The following CEP63 variants were observed in gnomAD, a reference collection of about 807,000 sequenced individuals.
CEP63 encodes the protein centrosomal protein of 63 kDa.
CEP63 carries 84 observed loss-of-function variants against 89.1 expected under a neutral mutation model. The observed-to-expected ratio is 0.94, with a 90% CI of 0.79 to 1.13. The LOEUF is 1.13. CEP63 is among the 50% of genes most tolerant of loss of function. The pLI is 0.00. For missense variants in CEP63, 838 were observed against 813.3 expected (o/e 1.03, Z -0.37); for synonymous variants, 267 against 272.5 (o/e 0.98, Z 0.20).
chr3:134,713,903 T>C, the CEP63 span, among the ~76,000 whole-genome samples: 1 of 152,232 alleles, frequency 6.6e-6, no homozygotes. Flanking sequence ...AGATAACACC[T>C]GTCCAGAGCT....
chr3:134,617,919 G>A, the CEP63 span, among the ~76,000 whole-genome samples: 1 of 152,120 alleles, frequency 6.6e-6, no homozygotes, highest in East Asian at 1.9e-4. Context: ...AGGAACCCAG[G>A]ACCAGGGAAG....
intron 6 of CEP63, among the ~76,000 whole-genome samples, chr3:134,540,626 A>T (rs1251751255): frequency 6.6e-6 from 1 of 151,958 alleles, no homozygotes; most frequent in Non-Finnish European, 1.5e-5. Flanking sequence ...TGCCAATCTT[A>T]TAGGTGAAAA....
At chr3:134,575,633 A>C, downstream of CEP63, among the ~76,000 whole-genome samples, 1 of 142,514 alleles carries the variant, frequency 7.0e-6, no homozygotes, top group Admixed American at 7.3e-5. Context: ...TTCTTTGGAG[A>C]CAGGGTCTCA....
At chr3:134,694,877 T>G in the CEP63 span, among the ~76,000 whole-genome samples, 1 of 152,150 alleles carries the variant, frequency 6.6e-6, no homozygotes, top group Non-Finnish European at 1.5e-5. Context: ...ACCAAGCGTT[T>G]GCTGTGTGGG....
At chr3:134,581,679 A>ATTTTTTTTTTTTTTT (rs1231214008) in intron 10 of CEP63, among the ~76,000 whole-genome samples, 6 of 124,190 alleles carry the variant, frequency 4.8e-5, no homozygotes, top group African/African-American at 1.3e-4. Context: ...TGATGAAAAC[A>ATTTTTTTTTTTTTTT]TTTTTTTTTT....
At chr3:134,777,872 C>T in the CEP63 span, among the ~76,000 whole-genome samples, 10 of 151,764 alleles carry the variant, frequency 6.6e-5, no homozygotes, top group Non-Finnish European at 7.4e-5. Context: ...ACCTCGGTCT[C>T]CCAAAGTGCT....
chr3:134,612,743 C>T, the CEP63 span, among the ~76,000 whole-genome samples: 4 of 126,382 alleles, frequency 3.2e-5, no homozygotes, highest in Non-Finnish European at 6.7e-5. Flanking sequence ...CACAATGTCA[C>T]GCCGATGCTG....
intron 3 of CEP63, among the ~76,000 whole-genome samples, chr3:134,518,236 A>G (rs1032535716): frequency 6.6e-6 from 1 of 152,232 alleles, no homozygotes; most frequent in African/African-American, 2.4e-5. Context: ...CTCAATTAAT[A>G]CAACAAGCAG....
chr3:134,700,096 G>A, the CEP63 span, among the ~76,000 whole-genome samples: 3 of 152,246 alleles, frequency 2.0e-5, no homozygotes, highest in Admixed American at 6.5e-5. Context: ...TGCCACCCTA[G>A]TGCTCACTCT....
At chr3:134,508,850 T>C (rs935423679) in intron 3 of CEP63, among the ~76,000 whole-genome samples, 1 of 152,150 alleles carries the variant, frequency 6.6e-6, no homozygotes, top group Non-Finnish European at 1.5e-5. Context: ...ACTTCATTGA[T>C]TGGGCTGCTG....
At chr3:134,554,974 C>T (rs1955829853) in intron 12 of CEP63, among the ~76,000 whole-genome samples, 1 of 152,062 alleles carries the variant, frequency 6.6e-6, no homozygotes, top group East Asian at 1.9e-4. Flanking sequence ...ATTGTAGATT[C>T]TGGATATTAG....
chr3:134,681,185 T>C, the CEP63 span, among the ~76,000 whole-genome samples: 1 of 151,274 alleles, frequency 6.6e-6, no homozygotes, highest in African/African-American at 2.4e-5. Context: ...GAGCTGGGGG[T>C]CGGGGGGTGG....
chr3:134,545,536 T>C (rs753364568), intron 6 of CEP63, 50 bp from the exon 7 acceptor site: 5 of 1,292,158 alleles, frequency 3.9e-6, no homozygotes, highest in Non-Finnish European at 5.6e-6. Context: ...TATTCATTGA[T>C]TATTTTATCA....
downstream of CEP63, among the ~76,000 whole-genome samples, chr3:134,565,822 T>G (rs532846014): frequency 2.6e-5 from 4 of 152,238 alleles, no homozygotes; most frequent in South Asian, 6.2e-4. Context: ...CAGATTTTTT[T>G]TGTGTGTTTG....
the CEP63 span, among the ~76,000 whole-genome samples, chr3:134,631,951 C>G: frequency 6.6e-6 from 1 of 152,018 alleles, no homozygotes; most frequent in Admixed American, 6.6e-5. Flanking sequence ...CCAACTTTAA[C>G]TACTATGATA....
chr3:134,525,732 A>G (rs1438515765), intron 3 of CEP63, among the ~76,000 whole-genome samples: 1 of 152,098 alleles, frequency 6.6e-6, no homozygotes, highest in South Asian at 2.1e-4. Context: ...TCTGGGTTGA[A>G]ATTTCTTTTC....
the CEP63 span, chr3:134,627,856 G>A: frequency 1.3e-6 from 2 of 1,536,946 alleles, no homozygotes; most frequent in African/African-American, 1.4e-5. Flanking sequence ...AGATACTTCA[G>A]AAGAAACAGA....
At chr3:134,691,348 A>T in the CEP63 span, among the ~76,000 whole-genome samples, 1 of 133,752 alleles carries the variant, frequency 7.5e-6, no homozygotes, top group Non-Finnish European at 1.6e-5. Context: ...ACAGAGAGAG[A>T]TCCTGTCTGT....
chr3:134,589,589 C>CAAAA (rs55675043), downstream of CEP63, among the ~76,000 whole-genome samples: 104,082 of 147,092 alleles, frequency 0.71, 37,542 homozygotes, highest in Middle Eastern at 0.8. Flanking sequence ...ATTAAAATGT[C>CAAAA]AAAAAAAAAA....
Sources: allele counts gnomAD v4.1 joint callset (sites outside exome capture counted in the v4.1 genomes callset), GRCh38; gene constraint gnomAD v4.1.1; transcripts MANE v1.5; gene names NCBI Gene and HGNC (gene_info 2026-07-23, HGNC 2026-07-21).